ADK: variants seen among roughly 807,000 people sequenced by gnomAD.
The protein encoded by ADK is adenosine kinase, also known as N6,N6-dimethyladenosine kinase.
ADK carries 24 observed loss-of-function variants against 44.7 expected under a neutral mutation model. That is an observed-to-expected ratio of 0.54 (90% CI 0.39 to 0.76). The LOEUF (loss-of-function observed/expected upper bound fraction) is 0.76, where lower values mean the gene tolerates loss of function less well. Ranked by LOEUF, ADK falls within the 30% of genes least tolerant of loss-of-function variation. ADK has a pLI of 0.00. For missense variants in ADK, 321 were observed against 425.1 expected (o/e 0.76, Z 2.15); for synonymous variants, 128 against 142.6 (o/e 0.90, Z 0.73).
At chr10:74,426,241 G>A (rs1208555005) in intron 6 of ADK, among the ~76,000 whole-genome samples, 1 of 152,088 alleles carries the variant, frequency 6.6e-6, no homozygotes, top group Non-Finnish European at 1.5e-5. Flanking sequence ...AACATAAAAT[G>A]CTGCACACAT....
chr10:74,515,279 TGAGA>T (rs1848521493), intron 6 of ADK, among the ~76,000 whole-genome samples: 1 of 152,312 alleles, frequency 6.6e-6, no homozygotes, highest in South Asian at 2.1e-4. Context: ...TGGCATGGGC[TGAGA>T]GAGTTTGTGG....
intron 7 of ADK, among the ~76,000 whole-genome samples, chr10:74,571,335 A>G (rs932459797): frequency 7.2e-5 from 11 of 152,086 alleles, no homozygotes; most frequent in South Asian, 2.1e-4. Flanking sequence ...CTCTTTTTCT[A>G]TTGATTGGAA....
At chr10:74,649,741 G>A (rs1000479218) in intron 9 of ADK, among the ~76,000 whole-genome samples, 3 of 151,974 alleles carry the variant, frequency 2.0e-5, no homozygotes, top group African/African-American at 7.3e-5. Flanking sequence ...ATTTTTTAAT[G>A]TATAGTCAAG....
intron 1 of ADK, among the ~76,000 whole-genome samples, chr10:74,155,689 C>T (rs10430473): frequency 0.16 from 24,666 of 151,966 alleles, 2,231 homozygotes; most frequent in African/African-American, 0.24. Flanking sequence ...CCATCACGCC[C>T]GGCCAATTTT....
rs754309983 is a variant in ADK, at chr10:74,380,246, C to T, written c.274-13895C>T. On this transcript the variant is annotated intron_variant, in intron 4 of 10. Transcript: ENST00000539909. ...TCAAGTAACAGGATGGTACCTGGCC[C>T]TTAGAACTATCTTTATAAATATCAT... is the stretch of plus-strand genomic sequence containing the variant. Among the ~76,000 whole-genome samples the T allele has an allele frequency of 2.4e-4, 37 of 152,124 alleles. 1 individual carries two copies. The highest frequency in any genetic ancestry group is 4.7e-4 in the Non-Finnish European group (32 of 68,030).
chr10:74,515,777 C>A (rs1848545327), intron 6 of ADK, among the ~76,000 whole-genome samples: 2 of 152,116 alleles, frequency 1.3e-5, no homozygotes, highest in Admixed American at 1.3e-4. Context: ...AGCTTAAGAG[C>A]AGGCTTGCTG....
At position 74,572,004 on chromosome 10, in the gene ADK, T is replaced by G. The variant is rs572330403; in HGVS notation, c.727-17278T>G. 3.3e-5 allele frequency among the ~76,000 whole-genome samples: 5 copies of G among 152,314 alleles called. No homozygotes were observed. The South Asian group carries it at 1.0e-3, about 32-fold the overall frequency. ...AATTGGAGCATTTAGCCCATTTACA[T>G]TTAAGGTTAATATTGTTATGTGTGA... is the stretch of plus-strand genomic sequence containing the variant. On this transcript the variant is annotated intron_variant, in intron 7 of 10. Transcript: ENST00000539909.
chr10:74,667,050 C>G (rs969478381), intron 9 of ADK, among the ~76,000 whole-genome samples: 4 of 152,006 alleles, frequency 2.6e-5, no homozygotes, highest in Admixed American at 2.6e-4. Context: ...AGTCTGGTCT[C>G]AAACTCCTGA....
At chr10:74,460,812 C>A (rs962538106) in intron 6 of ADK, among the ~76,000 whole-genome samples, 2 of 152,098 alleles carry the variant, frequency 1.3e-5, no homozygotes, top group African/African-American at 2.4e-5. Flanking sequence ...TAAAGTGCTT[C>A]TTTTATTCAT....
At chr10:74,199,366 A>C (rs1344564165) in intron 1 of ADK, among the ~76,000 whole-genome samples, 1 of 152,152 alleles carries the variant, frequency 6.6e-6, no homozygotes, top group Non-Finnish European at 1.5e-5. Flanking sequence ...TGGAATCTCC[A>C]GTGTCTTTTG....
At chr10:74,316,725 C>T (rs868124780) in intron 4 of ADK, among the ~76,000 whole-genome samples, 54 of 152,054 alleles carry the variant, frequency 3.6e-4, no homozygotes, top group African/African-American at 1.2e-3. Context: ...GAACTAATAC[C>T]GGGAGGCTAT....
intron 6 of ADK, among the ~76,000 whole-genome samples, chr10:74,503,096 C>G (rs1294919575): frequency 6.6e-6 from 1 of 152,146 alleles, no homozygotes. Flanking sequence ...CAGAGGTCAA[C>G]AAAGTATGGC....
intron 6 of ADK, among the ~76,000 whole-genome samples, chr10:74,506,847 C>T (rs920444864): frequency 6.6e-6 from 1 of 152,092 alleles, no homozygotes; most frequent in Non-Finnish European, 1.5e-5. Context: ...GAGTTCATGA[C>T]ATACTTAACA....
At chr10:74,296,583 A>G (rs916487270) in intron 3 of ADK, among the ~76,000 whole-genome samples, 1 of 150,836 alleles carries the variant, frequency 6.6e-6, no homozygotes, top group Non-Finnish European at 1.5e-5. Context: ...AGTTTACATT[A>G]TTTATCAAAA....
intron 4 of ADK, chr10:74,371,422 A>G: frequency 1.7e-6 from 1 of 599,440 alleles, no homozygotes; most frequent in Non-Finnish European, 2.9e-6. Flanking sequence ...AATCTTAAGC[A>G]GTCCCCTACA....
chr10:74,480,230 T>TTTCTTTCTTTCTTTCTTTC (rs1564745926), intron 6 of ADK, among the ~76,000 whole-genome samples: 1 of 53,622 alleles, frequency 1.9e-5, no homozygotes, highest in African/African-American at 5.0e-5. Flanking sequence ...TTCTTTCTTT[T>TTTCTTTCTTTCTTTCTTTC]TTTTTTTTTT....
chr10:74,707,812 T>G (rs866469082), intron 10 of ADK, among the ~76,000 whole-genome samples: 12 of 150,946 alleles, frequency 7.9e-5, no homozygotes, highest in African/African-American at 2.7e-4. Flanking sequence ...GGCAAGTTGT[T>G]GTGTCTCAAC....
chr10:74,467,895 G>A (rs1344304350), intron 6 of ADK, among the ~76,000 whole-genome samples: 1 of 152,018 alleles, frequency 6.6e-6, no homozygotes, highest in Non-Finnish European at 1.5e-5. Context: ...ATGAAACTAG[G>A]TAGAGGTCAC....
intron 7 of ADK, among the ~76,000 whole-genome samples, chr10:74,587,465 A>G (rs1851567256): frequency 6.6e-6 from 1 of 152,194 alleles, no homozygotes; most frequent in African/African-American, 2.4e-5. Flanking sequence ...TGACCTTTCT[A>G]AATCCTCAAA....
Sources: gnomAD v4.1 joint callset for allele counts (sites outside exome capture counted in the v4.1 genomes callset) on GRCh38, gnomAD v4.1.1 for gene constraint, MANE v1.5 for transcripts, NCBI Gene and HGNC (gene_info 2026-07-23, HGNC 2026-07-21) for gene names.